Variants in WDFY3 observed in about 807,000 individuals in gnomAD.
WDFY3 encodes WD repeat and FYVE domain containing 3, also known as WD repeat and FYVE domain-containing protein 3.
A neutral mutation model predicts 409.6 loss-of-function variants in WDFY3; 66 were observed. That is an observed-to-expected ratio of 0.16 (90% CI 0.13 to 0.20). WDFY3 has a LOEUF of 0.20. Among genes scored for constraint, WDFY3 ranks in the 10% least tolerant of loss-of-function variants. WDFY3 has a pLI of 1.00. For missense variants in WDFY3, 3,031 were observed against 4,298.1 expected, an observed-to-expected ratio of 0.71 and a Z score of 8.24; for synonymous variants, 1,521 against 1,537.1, an observed-to-expected ratio of 0.99 and a Z score of 0.25.
chr4:84,747,959 C>T (rs558582010), intron 36 of WDFY3, among the ~76,000 whole-genome samples: 236 of 152,006 alleles, frequency 1.6e-3, no homozygotes, highest in African/African-American at 5.4e-3. Flanking sequence ...TACCCAGTCT[C>T]GGGTATGTCT....
At chr4:84,795,736 T>C (rs1455689853) in intron 19 of WDFY3, among the ~76,000 whole-genome samples, 2 of 151,290 alleles carry the variant, frequency 1.3e-5, no homozygotes, top group Non-Finnish European at 2.9e-5. Flanking sequence ...CACTCCAGCC[T>C]GGGTGACAGG....
At chr4:84,755,430 C>T in intron 33 of WDFY3, 30 bp from the exon 34 acceptor site, 2 of 1,576,968 alleles carry the variant, frequency 1.3e-6, no homozygotes, top group Admixed American at 2.1e-5. Context: ...CAAATATTAG[C>T]CACCACTAAT....
At chr4:84,723,457 T>G (rs1291564473) in intron 46 of WDFY3, among the ~76,000 whole-genome samples, 1 of 152,210 alleles carries the variant, frequency 6.6e-6, no homozygotes, top group African/African-American at 2.4e-5. Flanking sequence ...TAACTTTTAC[T>G]TAAAATCTTA....
Position 84,800,923 on chromosome 4 carries a change from G to A in WDFY3, c.2822+727C>T, listed in dbSNP as rs576740000. On this transcript the variant is annotated intron_variant, in intron 17 of 67. Transcript: ENST00000295888. ...AGCTTACCTCCTGCTGTGCGGCCCA[G>A]TTCCTAACAGGACATGGACCAGTAC... is the stretch of plus-strand genomic sequence containing the variant. 3.3e-5 allele frequency among the ~76,000 whole-genome samples: 5 copies of A among 152,250 alleles called. 1 individual carries two copies. The South Asian group carries it at 1.0e-3, about 32-fold the overall frequency.
At chr4:84,760,151 A>G (rs1376233680) in intron 32 of WDFY3, among the ~76,000 whole-genome samples, 1 of 151,888 alleles carries the variant, frequency 6.6e-6, no homozygotes. Context: ...CCAGGGATGA[A>G]GCCCACCTGA....
At chr4:84,819,022 T>C (rs1428439898) in intron 12 of WDFY3, among the ~76,000 whole-genome samples, 3 of 152,122 alleles carry the variant, frequency 2.0e-5, no homozygotes, top group Non-Finnish European at 4.4e-5. Flanking sequence ...AATAAGATTA[T>C]GCATTATGCC....
chr4:84,869,513 A>G (rs1458826280), intron 3 of WDFY3, among the ~76,000 whole-genome samples: 1 of 152,214 alleles, frequency 6.6e-6, no homozygotes, highest in Admixed American at 6.5e-5. Context: ...ATAAAAAGTT[A>G]TTATTTTCTA....
In WDFY3 at chr4:84,679,167, G is replaced by A. The variant is rs772679033; in HGVS notation, c.9899C>T (p.Thr3300Ile). The change falls in exon 65 of 68, where the codon ACT (threonine) becomes ATT (isoleucine). Residue 3300 changes from threonine (T) to isoleucine (I), a missense_variant. Physicochemically the swap from Thr to Ile is moderately conservative, Grantham distance 89 (BLOSUM62 -1). Coordinates refer to ENST00000295888, the MANE Select transcript of WDFY3 (RefSeq NM_014991.6). ...EQSISQDPKD[T>I]PSQPSSTSHR... ...GCTGGTGCTGCTGGGTTGGCTTGGAGTGTCCTTAGGGTCCTGGCTGATGCT... is the reference window on the plus strand; with the variant it reads ...GCTGGTGCTGCTGGGTTGGCTTGGAATGTCCTTAGGGTCCTGGCTGATGCT... The A allele has an allele frequency of 6.2e-7, 1 of 1,612,890 alleles. No individual in the cohort carries two copies. Among genetic ancestry groups the A allele is most frequent in the Non-Finnish European group, 8.5e-7 (1 of 1,179,428 alleles).
chr4:84,878,963 C>T (rs1242921073), intron 3 of WDFY3, among the ~76,000 whole-genome samples: 2 of 152,278 alleles, frequency 1.3e-5, no homozygotes, highest in Non-Finnish European at 2.9e-5. Context: ...TAAGGGAATG[C>T]CGACTTCAGT....
At chr4:84,841,614 A>G (rs1239724163) in intron 5 of WDFY3, among the ~76,000 whole-genome samples, 4 of 152,214 alleles carry the variant, frequency 2.6e-5, no homozygotes, top group African/African-American at 9.6e-5. Flanking sequence ...GAGCACAGCA[A>G]TAAAACAAGA....
At position 84,850,926 on chromosome 4, in the gene WDFY3, C is replaced by CTT. The variant is rs781440189; in HGVS notation, c.181-902_181-901insAA. 2.0e-3 allele frequency among the ~76,000 whole-genome samples: 65 copies of CTT among 32,156 alleles called. 1 individual carries two copies. Among genetic ancestry groups the CTT allele is most frequent in the South Asian group, 8.3e-3 (6 of 720 alleles). 21.1% of individuals were successfully genotyped at this position (32,156 alleles called of 152,430 possible). ...AATTCTTATTTTTAATTTTATTTAT[C>CTT]TGTTTTTTTTTTTTTTTTTTTTTTT... On this transcript the variant is annotated intron_variant, in intron 4 of 67. Transcript: ENST00000295888.
intron 36 of WDFY3, among the ~76,000 whole-genome samples, chr4:84,749,908 T>C (rs978963385): frequency 6.6e-6 from 1 of 152,198 alleles, no homozygotes; most frequent in Non-Finnish European, 1.5e-5. Flanking sequence ...TGTTATTATA[T>C]ATCAAATTCT....
At chr4:84,895,038 A>C (rs934001442) in intron 3 of WDFY3, among the ~76,000 whole-genome samples, 2 of 151,992 alleles carry the variant, frequency 1.3e-5, no homozygotes, top group Non-Finnish European at 2.9e-5. Flanking sequence ...AACTTATTAA[A>C]CTCTCTCTTC....
chr4:84,837,184 T>C (rs1756693141), intron 6 of WDFY3, 94 bp from the exon 7 acceptor site: 15 of 1,103,790 alleles, frequency 1.4e-5, no homozygotes, highest in Non-Finnish European at 1.8e-5. Context: ...AAATTATATA[T>C]AAAGGTAACT....
chr4:84,774,899 A>G lies in WDFY3; in HGVS notation c.4675T>C (p.Ser1559Pro), dbSNP rs769081611. The G allele has an allele frequency of 6.2e-7, 1 of 1,614,052 alleles. No homozygotes were observed. Among genetic ancestry groups the G allele is most frequent in the South Asian group, 1.1e-5 (1 of 91,080 alleles). Residue 1559 changes from serine to proline, a missense_variant, in exon 29 of 68, where the codon TCC (serine) becomes CCC (proline). Coordinates refer to ENST00000295888, the MANE Select transcript of WDFY3 (RefSeq NM_014991.6). ...LLLTLRDMSL[S>P]QPTIAAISNV... ...CTAATAGCAGCAATAGTAGGCTGGG[A>G]TAAAGACATATCTCGAAGAGTCAGG...
chr4:84,717,134 A>T, intron 48 of WDFY3, 118 bp from the exon 49 acceptor site: 1 of 1,139,222 alleles, frequency 8.8e-7, no homozygotes, highest in African/African-American at 1.6e-5. Context: ...TATATATCAG[A>T]ATTTTCAGTT....
intron 57 of WDFY3, among the ~76,000 whole-genome samples, chr4:84,696,515 G>T (rs1379585067): frequency 6.6e-6 from 1 of 151,998 alleles, no homozygotes; most frequent in Non-Finnish European, 1.5e-5. Flanking sequence ...AGCTATATAT[G>T]TATAGGAAAA....
At chr4:84,787,262 G>T (rs1410631883) in intron 23 of WDFY3, among the ~76,000 whole-genome samples, 1 of 152,256 alleles carries the variant, frequency 6.6e-6, no homozygotes, top group Non-Finnish European at 1.5e-5. Context: ...AGAGAAACTG[G>T]ATAATAAGCG....
intron 5 of WDFY3, among the ~76,000 whole-genome samples, chr4:84,844,251 T>C (rs1378092073): frequency 6.6e-6 from 1 of 152,216 alleles, no homozygotes; most frequent in African/African-American, 2.4e-5. Flanking sequence ...TATTCCATTT[T>C]CAAATTTATG....
Sources: allele counts gnomAD v4.1 joint callset (sites outside exome capture counted in the v4.1 genomes callset), GRCh38; gene constraint gnomAD v4.1.1; transcripts MANE v1.5; gene names NCBI Gene and HGNC (gene_info 2026-07-23, HGNC 2026-07-21).